BCHE: variants seen among roughly 807,000 people sequenced by gnomAD.
BCHE encodes the protein cholinesterase.
In BCHE, 48 loss-of-function variants were observed where a neutral mutation model predicts 51.3. The observed-to-expected ratio is 0.94, with a 90% CI of 0.74 to 1.19. The LOEUF is 1.19. Among genes scored for constraint, BCHE ranks in the 50% most tolerant of loss-of-function variants. The pLI, the probability that BCHE is intolerant of heterozygous loss-of-function variation, is 0.00. For synonymous variants in BCHE, 251 were observed against 238.0 expected (o/e 1.05, Z -0.50); for missense variants, 847 against 708.2 (o/e 1.20, Z -2.23).
At chr3:165,777,781 C>G (rs1317191775) in intron 3 of BCHE, 1 of 453,514 alleles carries the variant, frequency 2.2e-6, no homozygotes, top group African/African-American at 2.0e-5. Context: ...TTTTCCCCTC[C>G]TCCTACTCCT....
intron 2 of BCHE, among the ~76,000 whole-genome samples, chr3:165,812,151 C>T (rs16849681): frequency 0.023 from 3,451 of 151,912 alleles, 77 homozygotes; most frequent in African/African-American, 0.055. Flanking sequence ...TATTTTAGTA[C>T]CAACTCTAAG....
At chr3:165,788,613 CT>C (rs1713051586) in intron 2 of BCHE, among the ~76,000 whole-genome samples, 1 of 152,044 alleles carries the variant, frequency 6.6e-6, no homozygotes, top group African/African-American at 2.4e-5. Flanking sequence ...TACAGCAATT[CT>C]TATGTTCCTA....
In BCHE at chr3:165,786,344, T is replaced by C. The variant is rs549319381; in HGVS notation, c.1518-33A>G. 6 of 1,549,912 alleles carry C rather than the reference T, an allele frequency of 3.9e-6. No individual in the cohort carries two copies. In the African/African-American group the frequency reaches 8.2e-5, roughly 21 times the overall value. On this transcript the variant is annotated intron_variant, in intron 2 of 3. Coordinates refer to ENST00000264381, the MANE Select transcript of BCHE (RefSeq NM_000055.4). ...ATAAAATAGAGACATTATAGTAAAA[T>C]TGAAATCATTGTTAGATTAAAAAGA...
chr3:165,778,758 A>C (rs746394082), intron 3 of BCHE: 57 of 423,200 alleles, frequency 1.3e-4, no homozygotes, highest in Admixed American at 1.5e-4. Flanking sequence ...TTATCAAATT[A>C]GTTGACAAAA....
rs11378582 is a variant in BCHE at position 165,789,312 on chromosome 3, C to CTT, written c.1518-3003_1518-3002dup. 6.7e-4 allele frequency among the ~76,000 whole-genome samples: 100 copies of CTT among 150,270 alleles called. 1 individual carries two copies. Among genetic ancestry groups the CTT allele is most frequent in the Non-Finnish European group, 6.7e-4 (45 of 67,426 alleles). On this transcript the variant is annotated intron_variant, in intron 2 of 3. Transcript: ENST00000264381. Reference sequence around the variant, plus strand: ...TTAACAACAAAAAAAAGCAGAGTATCTTTTTTTTTACATCTGTGTTACAGA... The same window carrying CTT: ...TTAACAACAAAAAAAAGCAGAGTATCTTTTTTTTTTTACATCTGTGTTACAGA...
At chr3:165,819,325 G>A (rs927539973) in intron 2 of BCHE, among the ~76,000 whole-genome samples, 32 of 151,742 alleles carry the variant, frequency 2.1e-4, no homozygotes, top group Non-Finnish European at 2.8e-4. Flanking sequence ...TGATCCTCCC[G>A]TTTCGGCCTC....
At position 165,773,454 on chromosome 3, in the gene BCHE, G is replaced by T. The variant is rs764962053; in HGVS notation, c.1737C>A (p.Asn579Lys). 6.2e-7 allele frequency: 1 copy of T among 1,608,252 alleles called. No homozygotes were observed. The change falls in exon 4 of 4, where the codon AAC (asparagine) becomes AAA (lysine). Residue 579 changes from asparagine (N) to lysine (K), a missense_variant. By Grantham distance (94) the Asn-to-Lys change is moderately conservative. Coordinates refer to ENST00000264381, the MANE Select transcript of BCHE (RefSeq NM_000055.4). ...GATTTTTCCAGTCCATCATGTAATT[G>T]TTCCAGCGATGGAATCCTGCTTTCC... ...WEWKAGFHRW[N>K]NYMMDWKNQF...
intron 2 of BCHE, among the ~76,000 whole-genome samples, chr3:165,825,874 T>C (rs1051600164): frequency 2.0e-5 from 3 of 151,994 alleles, no homozygotes; most frequent in Non-Finnish European, 4.4e-5. Flanking sequence ...AAAATACCAA[T>C]GACCAGTAAG....
chr3:165,808,454 T>C (rs937782696), intron 2 of BCHE, among the ~76,000 whole-genome samples: 6 of 152,204 alleles, frequency 3.9e-5, no homozygotes, highest in Non-Finnish European at 7.4e-5. Context: ...GAGAAAGTCA[T>C]ATATTCCTTT....
intron 3 of BCHE, among the ~76,000 whole-genome samples, 189 bp downstream of exon 3, chr3:165,785,956 G>A (rs1712929962): frequency 6.6e-6 from 1 of 151,416 alleles, no homozygotes; most frequent in African/African-American, 2.4e-5. Flanking sequence ...TGGTCATATA[G>A]TAAGAGTTCA....
At chr3:165,798,224 C>G (rs911456941) in intron 2 of BCHE, among the ~76,000 whole-genome samples, 1 of 152,078 alleles carries the variant, frequency 6.6e-6, no homozygotes, top group Admixed American at 6.6e-5. Context: ...ACTGCATACA[C>G]TTGAAACTAC....
intron 2 of BCHE, among the ~76,000 whole-genome samples, chr3:165,823,484 C>T (rs899242318): frequency 6.6e-6 from 1 of 151,914 alleles, no homozygotes; most frequent in Non-Finnish European, 1.5e-5. Context: ...CAATGCAAAC[C>T]TATGACAGTT....
intron 3 of BCHE, among the ~76,000 whole-genome samples, chr3:165,781,840 A>G (rs923728608): frequency 6.6e-6 from 1 of 152,176 alleles, no homozygotes; most frequent in Non-Finnish European, 1.5e-5. Flanking sequence ...ATAAATTTTT[A>G]TGTGGTATGA....
At chr3:165,823,122 G>A (rs1296991700) in intron 2 of BCHE, among the ~76,000 whole-genome samples, 1 of 151,942 alleles carries the variant, frequency 6.6e-6, no homozygotes, top group Non-Finnish European at 1.5e-5. Context: ...GTTAGCAAAG[G>A]CCTAAATTAT....
intron 2 of BCHE, among the ~76,000 whole-genome samples, chr3:165,798,181 A>G (rs1295547203): frequency 2.0e-5 from 3 of 152,202 alleles, no homozygotes; most frequent in Admixed American, 2.0e-4. Context: ...GACTAATTGT[A>G]TTAGAAAGAA....
At chr3:165,806,731 TATA>T in intron 2 of BCHE, among the ~76,000 whole-genome samples, 2 of 152,264 alleles carry the variant, frequency 1.3e-5, no homozygotes, top group Admixed American at 1.3e-4. Context: ...AACACATCTT[TATA>T]ATAATAATTA....
intron 2 of BCHE, among the ~76,000 whole-genome samples, chr3:165,820,290 T>C (rs1038336562): frequency 1.3e-5 from 2 of 152,138 alleles, no homozygotes; most frequent in African/African-American, 2.4e-5. Context: ...AGTGATCTTA[T>C]ATACACTTTA....
chr3:165,790,624 A>G (rs1461262050), intron 2 of BCHE, among the ~76,000 whole-genome samples: 1 of 152,176 alleles, frequency 6.6e-6, no homozygotes, highest in East Asian at 1.9e-4. Context: ...CTGGTGTGAG[A>G]AATCTTGGAC....
In BCHE at chr3:165,773,264, C is replaced by T. The variant is rs1712324911; in HGVS notation, c.*118G>A. On this transcript the variant is annotated 3_prime_UTR_variant, in exon 4 of 4. Transcript: ENST00000264381. The stretch of plus-strand genomic sequence containing the variant: ...AAAGATGTGAGGAATCAATATTATC[C>T]TTCTGGCATTTTTGTTTCAGCTACA... 9 of 950,316 alleles carry T rather than the reference C, an allele frequency of 9.5e-6. No individual in the cohort carries two copies. The highest frequency in any genetic ancestry group is 1.4e-5 in the Non-Finnish European group (9 of 633,626). The allele number at this position is 950,316 out of a possible 1,614,324, so 58.9% of individuals were successfully genotyped here.
Sources: allele counts gnomAD v4.1 joint callset (sites outside exome capture counted in the v4.1 genomes callset), GRCh38; gene constraint gnomAD v4.1.1; transcripts MANE v1.5; gene names NCBI Gene and HGNC (gene_info 2026-07-23, HGNC 2026-07-21).